Variants in CDK14 observed in about 807,000 individuals in gnomAD.
The protein encoded by CDK14 is cyclin-dependent kinase 14.
In CDK14, 34 loss-of-function variants were observed where a neutral mutation model predicts 60.7. The ratio of observed to expected loss-of-function variants is 0.56; its 90% confidence interval spans 0.43 to 0.75. The LOEUF is 0.75. Among genes scored for constraint, CDK14 ranks in the 30% least tolerant of loss-of-function variants. CDK14 has a pLI of 0.00. For missense variants in CDK14, 482 were observed against 564.1 expected (o/e 0.85, Z 1.47); for synonymous variants, 197 against 203.7 (o/e 0.97, Z 0.28).
At chr7:91,051,497 G>A (rs1275985807) in intron 11 of CDK14, among the ~76,000 whole-genome samples, 1 of 152,074 alleles carries the variant, frequency 6.6e-6, no homozygotes, top group Non-Finnish European at 1.5e-5. Context: ...AGGTCTCCTT[G>A]TGTCTCCCTC....
chr7:90,829,302 A>G (rs556130561), intron 5 of CDK14, among the ~76,000 whole-genome samples: 6 of 152,252 alleles, frequency 3.9e-5, no homozygotes, highest in South Asian at 2.1e-4. Flanking sequence ...GCAGTCTCCC[A>G]AAGTCTTAAC....
chr7:90,964,123 G>A (rs887012082), intron 9 of CDK14, among the ~76,000 whole-genome samples: 15 of 152,168 alleles, frequency 9.9e-5, no homozygotes, highest in Non-Finnish European at 2.2e-4. Context: ...CATTGGGCAG[G>A]CAGATGTCTT....
rs139057016 is a variant in CDK14, at chr7:90,894,503, C to T, written c.640-4788C>T. On this transcript the variant is annotated intron_variant, in intron 6 of 14. Coordinates refer to ENST00000380050, the MANE Select transcript of CDK14 (RefSeq NM_001287135.2). Reference sequence around the variant, plus strand: ...TTTTAAGTTTTCCCAGATCTCATTTCTAGAGATGATCTTTTTCCTGCAATT... The same window carrying T: ...TTTTAAGTTTTCCCAGATCTCATTTTTAGAGATGATCTTTTTCCTGCAATT... Among the ~76,000 whole-genome samples, 8 of 152,228 alleles carry T rather than the reference C, an allele frequency of 5.3e-5. No individual in the cohort carries two copies. In the East Asian group the frequency reaches 1.5e-3, roughly 29 times the overall value.
At chr7:90,600,663 A>G (rs780846327) in intron 1 of CDK14, among the ~76,000 whole-genome samples, 10 of 152,122 alleles carry the variant, frequency 6.6e-5, no homozygotes, top group Non-Finnish European at 1.2e-4. Context: ...AAAGAGAAAT[A>G]TAAGGTTAAA....
intron 8 of CDK14, among the ~76,000 whole-genome samples, chr7:90,931,487 G>A (rs1793589664): frequency 6.6e-6 from 1 of 152,164 alleles, no homozygotes; most frequent in African/African-American, 2.4e-5. Context: ...GGTGCTCATT[G>A]GACTCTACTC....
chr7:90,596,790 C>T (rs950527426), intron 1 of CDK14, 72 bp downstream of exon 1: 7 of 1,295,938 alleles, frequency 5.4e-6, no homozygotes, highest in South Asian at 3.7e-5. Flanking sequence ...GCGTTCCTGG[C>T]ACCAGCCATG....
At chr7:90,940,800 T>C (rs1282638362) in intron 8 of CDK14, among the ~76,000 whole-genome samples, 4 of 151,938 alleles carry the variant, frequency 2.6e-5, no homozygotes, top group Non-Finnish European at 5.9e-5. Context: ...AAAAAAAGTG[T>C]ATATCTATCT....
intron 14 of CDK14, among the ~76,000 whole-genome samples, chr7:91,148,690 A>G (rs957443003): frequency 6.6e-6 from 1 of 152,242 alleles, no homozygotes; most frequent in African/African-American, 2.4e-5. Flanking sequence ...ATGGTCAGGC[A>G]CACCCAGGAG....
intron 7 of CDK14, among the ~76,000 whole-genome samples, chr7:90,909,387 T>A (rs1792815649): frequency 6.6e-6 from 1 of 151,930 alleles, no homozygotes; most frequent in Admixed American, 6.6e-5. Context: ...TTTCTAATAC[T>A]AATTTTAGGC....
At chr7:90,747,539 T>C in intron 3 of CDK14, 142 bp from the exon 4 acceptor site, 1 of 581,220 alleles carries the variant, frequency 1.7e-6, no homozygotes. Flanking sequence ...TATTATGTTG[T>C]TTTGAAAAAT....
chr7:91,053,698 C>T (rs1350026413), intron 11 of CDK14, among the ~76,000 whole-genome samples: 1 of 152,152 alleles, frequency 6.6e-6, no homozygotes, highest in African/African-American at 2.4e-5. Flanking sequence ...GAACCCTTAG[C>T]CTTTATTGAC....
intron 9 of CDK14, among the ~76,000 whole-genome samples, chr7:90,981,836 G>C (rs1026755558): frequency 7.1e-5 from 1 of 14,072 alleles, no homozygotes; most frequent in Non-Finnish European, 2.0e-4. Context: ...ACAAAACACT[G>C]GATCATCTGA....
chr7:90,779,120 G>A (rs999590014), intron 4 of CDK14, among the ~76,000 whole-genome samples: 1 of 151,970 alleles, frequency 6.6e-6, no homozygotes, highest in Non-Finnish European at 1.5e-5. Context: ...GGGCGTGGTG[G>A]TGCATACCTG....
chr7:90,813,538 A>G (rs991284440), intron 5 of CDK14, among the ~76,000 whole-genome samples: 1 of 152,170 alleles, frequency 6.6e-6, no homozygotes, highest in Non-Finnish European at 1.5e-5. Flanking sequence ...ACCTGAGGTC[A>G]GACGTTTGAG....
intron 2 of CDK14, among the ~76,000 whole-genome samples, chr7:90,641,348 A>G (rs1353248995): frequency 1.3e-5 from 2 of 152,196 alleles, no homozygotes; most frequent in Non-Finnish European, 2.9e-5. Flanking sequence ...AGCATTGTTC[A>G]TAATAGCCAA....
intron 4 of CDK14, among the ~76,000 whole-genome samples, chr7:90,784,986 G>A (rs2188240): frequency 0.44 from 66,092 of 151,848 alleles, 15,176 homozygotes; most frequent in East Asian, 0.82. Flanking sequence ...TATTGTCCTT[G>A]CCCTACTCCA....
At chr7:90,951,097 C>A (rs774684926) in intron 8 of CDK14, among the ~76,000 whole-genome samples, 1 of 152,134 alleles carries the variant, frequency 6.6e-6, no homozygotes, top group Non-Finnish European at 1.5e-5. Context: ...GCCTTCACCC[C>A]GTGGACTGAT....
At chr7:90,900,599 A>C (rs1483780853) in intron 7 of CDK14, among the ~76,000 whole-genome samples, 2 of 152,162 alleles carry the variant, frequency 1.3e-5, no homozygotes, top group African/African-American at 4.8e-5. Flanking sequence ...AATCAATAGT[A>C]CAATACATCT....
chr7:90,880,323 G>GC (rs1251567655), intron 6 of CDK14, among the ~76,000 whole-genome samples: 4 of 152,200 alleles, frequency 2.6e-5, no homozygotes, highest in Non-Finnish European at 5.9e-5. Context: ...GCAGTCTGTG[G>GC]CCATAGTGCT....
Sources: allele counts gnomAD v4.1 joint callset (sites outside exome capture counted in the v4.1 genomes callset), GRCh38; gene constraint gnomAD v4.1.1; transcripts MANE v1.5; gene names NCBI Gene and HGNC (gene_info 2026-07-23, HGNC 2026-07-21).